ROBO1: variants seen among roughly 807,000 people sequenced by gnomAD.
ROBO1 encodes roundabout homolog 1.
In ROBO1, 149 loss-of-function variants were observed where a neutral mutation model predicts 195.9. That is an observed-to-expected ratio of 0.76 (90% CI 0.67 to 0.87). ROBO1 has a LOEUF of 0.87. ROBO1 is among the 40% of genes least tolerant of loss of function. ROBO1 has a pLI of 0.00. For synonymous variants in ROBO1, 816 were observed against 733.2 expected, an observed-to-expected ratio of 1.11 and a Z score of -1.82; for missense variants, 1,933 against 2,068.3, an observed-to-expected ratio of 0.93 and a Z score of 1.27.
At chr3:79,613,640 GA>G (rs1944732035) in intron 1 of ROBO1, among the ~76,000 whole-genome samples, 1 of 152,104 alleles carries the variant, frequency 6.6e-6, no homozygotes, top group Admixed American at 6.6e-5. Context: ...TATATTATAA[GA>G]TCTCTAAAAG....
At position 78,615,169 on chromosome 3, in the gene ROBO1, G is replaced by A. The variant is rs974909503; in HGVS notation, c.4283-369C>T. On this transcript the variant is annotated intron_variant, in intron 27 of 30. Coordinates refer to ENST00000464233, the MANE Select transcript of ROBO1 (RefSeq NM_002941.4). ...TAAATGTTTGCATAATATAGCCAAT[G>A]TTTGTTGCTTTTTCAAAAGAAGAGC... Among the ~76,000 whole-genome samples, 4 of 152,290 alleles carry A rather than the reference G, an allele frequency of 2.6e-5. No homozygotes were observed. In the East Asian group the frequency reaches 7.7e-4, roughly 29 times the overall value.
chr3:79,451,481 A>G (rs1490201916), intron 2 of ROBO1, among the ~76,000 whole-genome samples: 3 of 152,166 alleles, frequency 2.0e-5, no homozygotes, highest in Non-Finnish European at 4.4e-5. Context: ...ATAGGAGTGT[A>G]GACTGGTAAA....
chr3:79,622,584 T>C (rs1005015748), intron 1 of ROBO1, among the ~76,000 whole-genome samples: 1 of 152,174 alleles, frequency 6.6e-6, no homozygotes, highest in Non-Finnish European at 1.5e-5. Flanking sequence ...CAAGAGTGCC[T>C]CTTGAGGCCT....
At chr3:79,615,609 A>G (rs1251041724) in intron 1 of ROBO1, among the ~76,000 whole-genome samples, 1 of 152,170 alleles carries the variant, frequency 6.6e-6, no homozygotes, top group Non-Finnish European at 1.5e-5. Context: ...AGCTATGAAA[A>G]AGAACAAAAT....
chr3:78,837,092 T>C (rs72894501), intron 4 of ROBO1, among the ~76,000 whole-genome samples: 4,974 of 152,280 alleles, frequency 0.033, 214 homozygotes, highest in African/African-American at 0.1. Context: ...TACGGATGAA[T>C]TGACTTTTAA....
intron 4 of ROBO1, among the ~76,000 whole-genome samples, chr3:78,761,364 A>G (rs929110438): frequency 2.6e-5 from 4 of 152,106 alleles, no homozygotes; most frequent in African/African-American, 9.7e-5. Context: ...AACGCTTTTT[A>G]TAAACATTAA....
intron 8 of ROBO1, among the ~76,000 whole-genome samples, chr3:78,703,604 G>C (rs764667565): frequency 4.5e-4 from 69 of 152,136 alleles, no homozygotes; most frequent in Admixed American, 7.2e-4. Flanking sequence ...AAGAGGAGGA[G>C]GAGGATGAGG....
At chr3:78,974,269 C>CA (rs2076837269) in intron 3 of ROBO1, among the ~76,000 whole-genome samples, 1 of 151,132 alleles carries the variant, frequency 6.6e-6, no homozygotes, top group South Asian at 2.1e-4. Context: ...TCAACAATGT[C>CA]AAAGAGGGAG....
chr3:79,041,266 A>G (rs2078483146), intron 3 of ROBO1, among the ~76,000 whole-genome samples: 2 of 151,812 alleles, frequency 1.3e-5, no homozygotes, highest in South Asian at 2.1e-4. Context: ...TTTTTCTGTT[A>G]CTTGTGTGTC....
At chr3:79,017,490 T>C (rs2077978002) in intron 3 of ROBO1, among the ~76,000 whole-genome samples, 2 of 151,422 alleles carry the variant, frequency 1.3e-5, no homozygotes, top group Non-Finnish European at 2.9e-5. Flanking sequence ...TGTGTGTGTG[T>C]GTGTTTTAAA....
intron 1 of ROBO1, among the ~76,000 whole-genome samples, chr3:79,648,097 T>C (rs1945887199): frequency 1.3e-5 from 2 of 152,052 alleles, no homozygotes; most frequent in Admixed American, 1.3e-4. Context: ...GCTTACAGTA[T>C]AGGGAGTTAG....
chr3:79,240,938 T>C (rs1472527762), intron 2 of ROBO1, among the ~76,000 whole-genome samples: 1 of 152,176 alleles, frequency 6.6e-6, no homozygotes, highest in Non-Finnish European at 1.5e-5. Flanking sequence ...CACCTTGCCA[T>C]GCCTCATTTT....
intron 2 of ROBO1, among the ~76,000 whole-genome samples, chr3:79,567,503 G>A (rs1943128064): frequency 6.6e-6 from 1 of 152,084 alleles, no homozygotes; most frequent in South Asian, 2.1e-4. Flanking sequence ...CTTTATTTTT[G>A]TTGTCTATTT....
intron 27 of ROBO1, 75 bp downstream of exon 27, chr3:78,617,560 A>G: frequency 4.8e-6 from 7 of 1,461,652 alleles, no homozygotes; most frequent in Non-Finnish European, 6.4e-6. Context: ...ACGTAAGATC[A>G]TAGGACAGAA....
intron 2 of ROBO1, among the ~76,000 whole-genome samples, chr3:79,363,167 G>A (rs2035835810): frequency 2.0e-5 from 3 of 152,150 alleles, no homozygotes; most frequent in African/African-American, 7.2e-5. Context: ...TAAAATCTGT[G>A]GATAGGAACA....
intron 1 of ROBO1, among the ~76,000 whole-genome samples, chr3:79,665,427 T>A (rs1227486781): frequency 6.6e-6 from 1 of 151,908 alleles, no homozygotes; most frequent in Non-Finnish European, 1.5e-5. Flanking sequence ...TATTTTCAGC[T>A]ATTTCTATGA....
At chr3:78,740,496 G>T (rs1276567671) in intron 5 of ROBO1, among the ~76,000 whole-genome samples, 1 of 117,254 alleles carries the variant, frequency 8.5e-6, no homozygotes, top group South Asian at 2.5e-4. Context: ...TTTGAAACAG[G>T]GTTTCACTCT....
chr3:79,578,226 T>G lies in ROBO1; in HGVS notation c.88+11598A>C, dbSNP rs1364163043. Among the ~76,000 whole-genome samples the G allele has an allele frequency of 2.6e-5, 4 of 152,328 alleles. No homozygotes were observed. In the East Asian group the frequency reaches 7.7e-4, roughly 29 times the overall value. On this transcript the variant is annotated intron_variant, in intron 2 of 30. Transcript: ENST00000464233. ...GTATGAAAAATGATACATAAACAGT[T>G]TGACAGTCTTATAAAGCTAAACTTA...
intron 3 of ROBO1, among the ~76,000 whole-genome samples, chr3:78,956,272 T>C (rs2041043100): frequency 6.6e-6 from 1 of 152,070 alleles, no homozygotes; most frequent in Non-Finnish European, 1.5e-5. Flanking sequence ...GCCATAAATA[T>C]TAACATATAC....
Sources: allele counts gnomAD v4.1 joint callset (sites outside exome capture counted in the v4.1 genomes callset), GRCh38; gene constraint gnomAD v4.1.1; transcripts MANE v1.5; gene names NCBI Gene and HGNC (gene_info 2026-07-23, HGNC 2026-07-21).